ROBO2: variants seen among roughly 807,000 people sequenced by gnomAD.
ROBO2 encodes roundabout homolog 2.
Under a neutral mutation model 160.8 loss-of-function variants are expected in ROBO2, and 53 were observed. That is an observed-to-expected ratio of 0.33 (90% CI 0.26 to 0.41). The LOEUF (loss-of-function observed/expected upper bound fraction) is 0.41. Ranked by LOEUF, ROBO2 falls within the 10% of genes least tolerant of loss-of-function variation. The pLI is 1.00. For missense variants in ROBO2, 1,577 were observed against 1,722.4 expected (o/e 0.92, Z 1.49); for synonymous variants, 664 against 611.7 (o/e 1.09, Z -1.26).
intron 2 of ROBO2, among the ~76,000 whole-genome samples, chr3:76,488,240 CCA>C (rs1354682589): frequency 1.3e-5 from 2 of 152,230 alleles, no homozygotes; most frequent in African/African-American, 4.8e-5. Flanking sequence ...AATTCTTTGC[CCA>C]GTTTACTTGG....
chr3:76,880,139 C>G (rs980011716), intron 2 of ROBO2, among the ~76,000 whole-genome samples: 11 of 152,082 alleles, frequency 7.2e-5, no homozygotes, highest in African/African-American at 2.7e-4. Context: ...ATGGTCAGAA[C>G]AGTCCTTTAA....
rs78575680 is a variant in ROBO2 at position 76,004,888 on chromosome 3, G to A, written c.109+67286G>A. Reference sequence around the variant, plus strand: ...AAGAAAATGCTGTTATTATTGTTTGGATGTGTCCCTCCAAAAGGCATGTGT... The same window carrying A: ...AAGAAAATGCTGTTATTATTGTTTGAATGTGTCCCTCCAAAAGGCATGTGT... On this transcript the variant is annotated intron_variant, in intron 2 of 26. Coordinates refer to the ROBO2 transcript ENST00000487694. Among the ~76,000 whole-genome samples the A allele has an allele frequency of 6.8e-3, 1,038 of 152,260 alleles. 70 individuals are homozygous for A. In the East Asian group the frequency reaches 0.17, roughly 25 times the overall value.
chr3:77,573,778 T>A (rs1583033488), intron 13 of ROBO2, among the ~76,000 whole-genome samples: 1 of 151,990 alleles, frequency 6.6e-6, no homozygotes, highest in Admixed American at 6.6e-5. Context: ...GCTTCCCAAC[T>A]CAGTCACCTT....
chr3:76,531,750 C>T (rs376633889), intron 2 of ROBO2, among the ~76,000 whole-genome samples: 2 of 151,376 alleles, frequency 1.3e-5, no homozygotes, highest in East Asian at 3.9e-4. Flanking sequence ...AACAACAACA[C>T]TATTTTCTTA....
intron 23 of ROBO2, chr3:77,632,677 C>A: frequency 6.6e-7 from 1 of 1,520,704 alleles, no homozygotes; most frequent in Non-Finnish European, 8.8e-7. Flanking sequence ...TCCAAGTCAA[C>A]ACTCTTTGCA....
At chr3:75,943,983 G>A (rs1948168151) in intron 2 of ROBO2, among the ~76,000 whole-genome samples, 1 of 152,084 alleles carries the variant, frequency 6.6e-6, no homozygotes, top group African/African-American at 2.4e-5. Context: ...TTTCAAGTGC[G>A]AGCCACCAGG....
intron 5 of ROBO2, among the ~76,000 whole-genome samples, chr3:77,503,561 A>T (rs1323652921): frequency 6.7e-6 from 1 of 150,088 alleles, no homozygotes; most frequent in Non-Finnish European, 1.5e-5. Context: ...ATAAATAAAT[A>T]AAATAATAAT....
chr3:77,074,021 C>A (rs964608004), intron 1 of ROBO2, among the ~76,000 whole-genome samples: 2 of 152,056 alleles, frequency 1.3e-5, no homozygotes, highest in African/African-American at 4.8e-5. Flanking sequence ...TTAATAGAAA[C>A]GTGGAAGTGT....
intron 2 of ROBO2, among the ~76,000 whole-genome samples, chr3:76,117,417 T>G (rs1348276111): frequency 1.3e-5 from 2 of 152,130 alleles, no homozygotes; most frequent in Non-Finnish European, 2.9e-5. Context: ...ACCTATACAG[T>G]GATTAACAGA....
At chr3:77,603,727 T>C (rs2094474102) in intron 20 of ROBO2, 1 of 152,164 alleles carries the variant, frequency 6.6e-6, no homozygotes, top group Admixed American at 6.5e-5. Context: ...TATATACCTA[T>C]TGTAATGACT....
intron 2 of ROBO2, among the ~76,000 whole-genome samples, chr3:76,846,605 G>T (rs1175009174): frequency 6.6e-6 from 1 of 152,010 alleles, no homozygotes; most frequent in African/African-American, 2.4e-5. Flanking sequence ...CGTTGTCTGG[G>T]CTAGAAGTGG....
intron 8 of ROBO2, among the ~76,000 whole-genome samples, chr3:77,556,081 A>C (rs2093108815): frequency 1.3e-5 from 2 of 151,906 alleles, no homozygotes; most frequent in Non-Finnish European, 1.5e-5. Flanking sequence ...AATTTGGAAA[A>C]AAAATCGTTT....
At chr3:76,353,344 A>T (rs1033860421) in intron 2 of ROBO2, among the ~76,000 whole-genome samples, 5 of 151,992 alleles carry the variant, frequency 3.3e-5, no homozygotes, top group Non-Finnish European at 5.9e-5. Flanking sequence ...TGGCAAATAT[A>T]ACTTTAATAA....
intron 14 of ROBO2, among the ~76,000 whole-genome samples, chr3:77,576,992 T>A (rs1321220500): frequency 6.6e-6 from 1 of 152,152 alleles, no homozygotes; most frequent in Non-Finnish European, 1.5e-5. Flanking sequence ...CTGGAATATG[T>A]CTTCTCAGAA....
intron 2 of ROBO2, among the ~76,000 whole-genome samples, chr3:76,804,651 G>A (rs564982795): frequency 1.2e-4 from 19 of 152,288 alleles, no homozygotes; most frequent in African/African-American, 4.1e-4. Context: ...GCAAACACTA[G>A]TAGATTTCTT....
intron 2 of ROBO2, among the ~76,000 whole-genome samples, chr3:76,208,603 A>G (rs534909750): frequency 1.3e-5 from 2 of 152,224 alleles, no homozygotes; most frequent in African/African-American, 4.8e-5. Flanking sequence ...AAGTAACTCC[A>G]TCTGAGAAAA....
chr3:77,169,765 A>G (rs1488602999), intron 2 of ROBO2, among the ~76,000 whole-genome samples: 1 of 152,016 alleles, frequency 6.6e-6, no homozygotes, highest in East Asian at 1.9e-4. Context: ...TTTTAAAGAT[A>G]AAGGTCACTC....
At chr3:76,020,739 A>G (rs2066551142) in intron 2 of ROBO2, among the ~76,000 whole-genome samples, 1 of 151,432 alleles carries the variant, frequency 6.6e-6, no homozygotes, top group African/African-American at 2.4e-5. Flanking sequence ...CATGTTCTTC[A>G]CTCAATATTT....
At chr3:76,601,058 A>G (rs190195587) in intron 2 of ROBO2, among the ~76,000 whole-genome samples, 19 of 152,286 alleles carry the variant, frequency 1.2e-4, no homozygotes, top group Non-Finnish European at 2.2e-4. Flanking sequence ...GGGCAGTCAA[A>G]CCTTAAAGCT....
Sources: allele counts gnomAD v4.1 joint callset (sites outside exome capture counted in the v4.1 genomes callset), GRCh38; gene constraint gnomAD v4.1.1; transcripts MANE v1.5; gene names NCBI Gene and HGNC (gene_info 2026-07-23, HGNC 2026-07-21).